CEP85L: variants seen among roughly 807,000 people sequenced by gnomAD.
The protein encoded by CEP85L is centrosomal protein 85L, also known as centrosomal protein of 85 kDa-like.
In CEP85L, 60 loss-of-function variants were observed where a neutral mutation model predicts 100.3. The observed-to-expected ratio is 0.60, with a 90% confidence interval of 0.49 to 0.74. The LOEUF is 0.74. Among genes scored for constraint, CEP85L ranks in the 30% least tolerant of loss-of-function variants. The pLI, the probability that CEP85L is intolerant of heterozygous loss-of-function variation, is 0.00. For missense variants in CEP85L, 973 were observed against 936.2 expected, an observed-to-expected ratio of 1.04 and a Z score of -0.51; for synonymous variants, 319 against 322.7, an observed-to-expected ratio of 0.99 and a Z score of 0.12.
intron 2 of CEP85L, among the ~76,000 whole-genome samples, chr6:118,592,176 G>A (rs1464828603): frequency 1.3e-5 from 2 of 151,982 alleles, no homozygotes; most frequent in African/African-American, 4.8e-5. Flanking sequence ...ATCTCTCAGG[G>A]CTTTTCTCCC....
chr6:118,594,267 T>A (rs1204565521), intron 2 of CEP85L, among the ~76,000 whole-genome samples: 1 of 152,186 alleles, frequency 6.6e-6, no homozygotes, highest in Non-Finnish European at 1.5e-5. Flanking sequence ...GAAGATAGTG[T>A]ACCAAATGAT....
At chr6:118,628,856 C>G (rs957797192) in intron 2 of CEP85L, among the ~76,000 whole-genome samples, 2 of 152,096 alleles carry the variant, frequency 1.3e-5, no homozygotes, top group Non-Finnish European at 2.9e-5. Flanking sequence ...GATAAAACGG[C>G]ACAATCCGTG....
chr6:118,590,629 T>C (rs1781133199), intron 2 of CEP85L, among the ~76,000 whole-genome samples: 1 of 152,076 alleles, frequency 6.6e-6, no homozygotes, highest in African/African-American at 2.4e-5. Flanking sequence ...AACTGGCTCT[T>C]TTCCACACTC....
intron 4 of CEP85L, among the ~76,000 whole-genome samples, chr6:118,511,639 C>T (rs1379796298): frequency 6.6e-6 from 1 of 152,122 alleles, no homozygotes; most frequent in Non-Finnish European, 1.5e-5. Context: ...AGGCATGATG[C>T]TAAGAGCTTT....
chr6:118,653,401 A>G (rs916578617), upstream of CEP85L, among the ~76,000 whole-genome samples: 1 of 152,186 alleles, frequency 6.6e-6, no homozygotes, highest in Non-Finnish European at 1.5e-5. Context: ...TGAGAATATT[A>G]TGTTGCTAAA....
At chr6:118,690,724 C>T (rs935953564) in intron 1 of CEP85L, among the ~76,000 whole-genome samples, 9 of 152,186 alleles carry the variant, frequency 5.9e-5, no homozygotes, top group African/African-American at 2.2e-4. Context: ...AAGGGCTTGG[C>T]ATAGTGGCTC....
At chr6:118,472,979 C>G (rs1177227746) in intron 10 of CEP85L, among the ~76,000 whole-genome samples, 2 of 152,120 alleles carry the variant, frequency 1.3e-5, no homozygotes, top group East Asian at 3.9e-4. Context: ...TGAGGGAAAA[C>G]CAGGTGTGCC....
chr6:118,466,393 AACAG>A (rs1190532050), intron 12 of CEP85L, among the ~76,000 whole-genome samples: 2 of 152,172 alleles, frequency 1.3e-5, no homozygotes, highest in Non-Finnish European at 1.5e-5. Context: ...TCAGAAAAGG[AACAG>A]ACACAGTGGC....
At chr6:118,676,730 G>A (rs1776496261) in intron 1 of CEP85L, among the ~76,000 whole-genome samples, 1 of 152,150 alleles carries the variant, frequency 6.6e-6, no homozygotes, top group Admixed American at 6.5e-5. Context: ...ATTATATGAT[G>A]ATTCTGTTTT....
At chr6:118,581,163 T>C (rs1003432437) in intron 2 of CEP85L, among the ~76,000 whole-genome samples, 4 of 152,202 alleles carry the variant, frequency 2.6e-5, no homozygotes, top group Non-Finnish European at 5.9e-5. Flanking sequence ...ATGTCTTCCA[T>C]AGCCAAATTT....
At chr6:118,705,724 C>T (rs1269944279) in intron 1 of CEP85L, among the ~76,000 whole-genome samples, 1 of 152,194 alleles carries the variant, frequency 6.6e-6, no homozygotes, top group Non-Finnish European at 1.5e-5. Flanking sequence ...GTGTGTGAGC[C>T]CTTCTCACAA....
At chr6:118,508,365 C>T (rs1212720413) in intron 5 of CEP85L, among the ~76,000 whole-genome samples, 3 of 152,016 alleles carry the variant, frequency 2.0e-5, no homozygotes, top group Admixed American at 6.6e-5. Flanking sequence ...CACATATATA[C>T]AGAAAGAAGA....
intron 2 of CEP85L, among the ~76,000 whole-genome samples, chr6:118,581,722 T>C (rs969722195): frequency 1.3e-5 from 2 of 152,152 alleles, no homozygotes; most frequent in African/African-American, 4.8e-5. Flanking sequence ...CTCACTTCTC[T>C]TTCTAGATGG....
At chr6:118,545,134 A>G (rs1562246915) in intron 3 of CEP85L, among the ~76,000 whole-genome samples, 1 of 152,218 alleles carries the variant, frequency 6.6e-6, no homozygotes, top group Non-Finnish European at 1.5e-5. Flanking sequence ...AAATATTAAA[A>G]TGCTTTAATT....
intron 2 of CEP85L, among the ~76,000 whole-genome samples, chr6:118,569,040 T>C (rs1779713202): frequency 6.6e-6 from 1 of 151,998 alleles, no homozygotes; most frequent in Non-Finnish European, 1.5e-5. Context: ...TCAAAACTAT[T>C]ATATAGAGTA....
chr6:118,556,117 G>A (rs555663604), intron 3 of CEP85L, among the ~76,000 whole-genome samples: 2 of 152,242 alleles, frequency 1.3e-5, no homozygotes, highest in Non-Finnish European at 2.9e-5. Context: ...ATATTCATGG[G>A]TGTATGTCTT....
At chr6:118,567,026 T>A (rs1779548439) in intron 2 of CEP85L, among the ~76,000 whole-genome samples, 1 of 151,944 alleles carries the variant, frequency 6.6e-6, no homozygotes, top group African/African-American at 2.4e-5. Context: ...TCAGTGTCTT[T>A]CCTGAACTGT....
intron 3 of CEP85L, chr6:118,559,115 A>T (rs1779080316): frequency 1.3e-6 from 2 of 1,540,576 alleles, no homozygotes; most frequent in Admixed American, 3.3e-5. Flanking sequence ...GCAGCTTGCC[A>T]CATCAGCTTA....
intron 5 of CEP85L, among the ~76,000 whole-genome samples, chr6:118,505,584 T>C (rs1442929517): frequency 1.3e-5 from 2 of 151,986 alleles, no homozygotes; most frequent in South Asian, 2.1e-4. Flanking sequence ...TGAAAAGATA[T>C]AGAGGAAACT....
Sources: gnomAD v4.1 joint callset for allele counts (sites outside exome capture counted in the v4.1 genomes callset) on GRCh38, gnomAD v4.1.1 for gene constraint, MANE v1.5 for transcripts, NCBI Gene and HGNC (gene_info 2026-07-23, HGNC 2026-07-21) for gene names.